Variants in DRC8 observed in about 807,000 individuals in gnomAD.
DRC8 encodes the protein dynein regulatory complex protein 8.
At chr1:245,051,204 A>T in the DRC8 span, among the ~76,000 whole-genome samples, 1 of 151,950 alleles carries the variant, frequency 6.6e-6, no homozygotes. Flanking sequence ...AGCCTGGGCA[A>T]CATAGCAAGA....
At chr1:245,025,044 A>G in the DRC8 span, among the ~76,000 whole-genome samples, 1 of 150,994 alleles carries the variant, frequency 6.6e-6, no homozygotes, top group African/African-American at 2.4e-5. Context: ...TCTGGCATGC[A>G]GATTTTTTTT....
the DRC8 span, chr1:244,970,088 G>A: frequency 9.4e-5 from 62 of 659,984 alleles, 1 homozygote; most frequent in South Asian, 9.1e-4. Context: ...AGAAATAAGG[G>A]AAAGGAGGGG....
the DRC8 span, among the ~76,000 whole-genome samples, chr1:245,077,755 T>C: frequency 6.6e-6 from 1 of 152,178 alleles, no homozygotes; most frequent in African/African-American, 2.4e-5. Context: ...ATGTGAGACT[T>C]GGAGCCATAA....
chr1:245,079,763 G>A, the DRC8 span, among the ~76,000 whole-genome samples: 34 of 152,306 alleles, frequency 2.2e-4, no homozygotes, highest in African/African-American at 7.5e-4. Flanking sequence ...CAAATTTCTG[G>A]AGTAATCAGA....
chr1:244,983,336 C>T, the DRC8 span, among the ~76,000 whole-genome samples: 1 of 152,100 alleles, frequency 6.6e-6, no homozygotes, highest in Non-Finnish European at 1.5e-5. Context: ...CAGCTTTTTT[C>T]ACTTACTATT....
the DRC8 span, among the ~76,000 whole-genome samples, chr1:245,051,706 A>G: frequency 6.6e-6 from 1 of 152,226 alleles, no homozygotes; most frequent in Non-Finnish European, 1.5e-5. Context: ...GCACCTATCA[A>G]GTTTTTTCAA....
At chr1:245,044,576 T>G in the DRC8 span, among the ~76,000 whole-genome samples, 1 of 151,874 alleles carries the variant, frequency 6.6e-6, no homozygotes, top group African/African-American at 2.4e-5. Flanking sequence ...TATTTATTTA[T>G]TTATTTATTT....
chr1:245,032,909 C>A, the DRC8 span, among the ~76,000 whole-genome samples: 17 of 151,848 alleles, frequency 1.1e-4, no homozygotes, highest in African/African-American at 4.1e-4. Context: ...GCTGTCCCAG[C>A]TACCCAGGAG....
At chr1:245,036,492 G>A in the DRC8 span, among the ~76,000 whole-genome samples, 15 of 152,166 alleles carry the variant, frequency 9.9e-5, no homozygotes, top group African/African-American at 3.4e-4. Context: ...ATTCCTAGGC[G>A]TATACTGACG....
At chr1:245,068,086 G>A in the DRC8 span, among the ~76,000 whole-genome samples, 1 of 152,162 alleles carries the variant, frequency 6.6e-6, no homozygotes, top group Admixed American at 6.5e-5. Flanking sequence ...TATACTGAGA[G>A]TATTGCTTAT....
chr1:245,017,107 G>A, the DRC8 span: 1 of 858,290 alleles, frequency 1.2e-6, no homozygotes, highest in Non-Finnish European at 1.7e-6. Context: ...AGTTAAACAT[G>A]CTAAATGATA....
At chr1:245,071,401 T>C in the DRC8 span, among the ~76,000 whole-genome samples, 3 of 152,180 alleles carry the variant, frequency 2.0e-5, no homozygotes, top group Non-Finnish European at 4.4e-5. Context: ...GGCAATTCTG[T>C]TGAGGTCACA....
chr1:245,108,294 G>C, the DRC8 span, among the ~76,000 whole-genome samples: 1 of 152,100 alleles, frequency 6.6e-6, no homozygotes, highest in Admixed American at 6.6e-5. Context: ...TCAGCGACAT[G>C]CCCATTGCCA....
chr1:245,022,743 G>A, the DRC8 span, among the ~76,000 whole-genome samples: 2 of 152,060 alleles, frequency 1.3e-5, no homozygotes, highest in African/African-American at 4.8e-5. Flanking sequence ...GTGCATGTGT[G>A]TATTTTTTAC....
chr1:245,074,909 CTA>C, the DRC8 span, among the ~76,000 whole-genome samples: 2 of 146,760 alleles, frequency 1.4e-5, no homozygotes, highest in African/African-American at 4.9e-5. Context: ...CTAATGTGAA[CTA>C]TCTCATGGTT....
the DRC8 span, among the ~76,000 whole-genome samples, chr1:245,105,206 A>G: frequency 6.6e-6 from 1 of 152,114 alleles, no homozygotes; most frequent in Non-Finnish European, 1.5e-5. Flanking sequence ...AGGTAACATA[A>G]TGTCTGGATT....
At chr1:245,018,208 CAG>C in the DRC8 span, among the ~76,000 whole-genome samples, 1 of 122,458 alleles carries the variant, frequency 8.2e-6, no homozygotes, top group African/African-American at 3.3e-5. Flanking sequence ...GCCTGGGCGA[CAG>C]AGCGAGACTC....
the DRC8 span, among the ~76,000 whole-genome samples, chr1:245,084,060 C>CTG: frequency 2.2e-5 from 1 of 45,668 alleles, no homozygotes; most frequent in African/African-American, 5.4e-5. Flanking sequence ...TATAAAAATT[C>CTG]CGCCCCCCCC....
chr1:245,050,391 C>T, the DRC8 span, among the ~76,000 whole-genome samples: 181 of 152,240 alleles, frequency 1.2e-3, 1 homozygote, highest in Non-Finnish European at 1.6e-3. Flanking sequence ...TGACCCACCG[C>T]GCCCAGCCCT....
Sources: allele counts gnomAD v4.1 joint callset (sites outside exome capture counted in the v4.1 genomes callset), GRCh38; gene constraint gnomAD v4.1.1; transcripts MANE v1.5; gene names NCBI Gene and HGNC (gene_info 2026-07-23, HGNC 2026-07-21).